The following CSMD3 variants were observed in gnomAD, a reference collection of about 807,000 sequenced individuals.
CSMD3 encodes the protein CUB and Sushi multiple domains 3.
CSMD3 carries 177 observed loss-of-function variants against 435.2 expected under a neutral mutation model. That is an observed-to-expected ratio of 0.41 (90% CI 0.36 to 0.46). The LOEUF is 0.46. Ranked by LOEUF, CSMD3 falls within the 20% of genes least tolerant of loss-of-function variation. The pLI is 0.34. For missense variants in CSMD3, 4,265 were observed against 4,504.6 expected (o/e 0.95, Z 1.52); for synonymous variants, 1,656 against 1,520.5 (o/e 1.09, Z -2.07).
At chr8:113,381,895 T>G (rs2133107778) in intron 1 of CSMD3, among the ~76,000 whole-genome samples, 1 of 152,284 alleles carries the variant, frequency 6.6e-6, no homozygotes, top group African/African-American at 2.4e-5. Context: ...AATAGATAAC[T>G]TTGGAATTCT....
At chr8:113,221,436 T>C (rs903270709) in intron 3 of CSMD3, among the ~76,000 whole-genome samples, 35 of 150,562 alleles carry the variant, frequency 2.3e-4, no homozygotes, top group Admixed American at 2.7e-4. Flanking sequence ...ATGTAGATAA[T>C]AGGTCAATCT....
intron 59 of CSMD3, among the ~76,000 whole-genome samples, chr8:112,269,331 C>G (rs909997951): frequency 2.0e-5 from 3 of 152,138 alleles, no homozygotes; most frequent in African/African-American, 7.2e-5. Flanking sequence ...GAAAAGGAAG[C>G]CTTAGATTCA....
chr8:113,396,188 A>G (rs1217917891), intron 1 of CSMD3, among the ~76,000 whole-genome samples: 1 of 152,198 alleles, frequency 6.6e-6, no homozygotes, highest in African/African-American at 2.4e-5. Context: ...GTAGCAAAAT[A>G]TGATTCCCAT....
intron 7 of CSMD3, among the ~76,000 whole-genome samples, chr8:112,974,868 G>T (rs1373629921): frequency 1.3e-5 from 2 of 151,510 alleles, no homozygotes; most frequent in African/African-American, 2.4e-5. Flanking sequence ...TTAAATCATG[G>T]TCTGTATAAA....
chr8:113,424,350 A>T (rs1184846885), intron 1 of CSMD3, among the ~76,000 whole-genome samples: 2 of 151,772 alleles, frequency 1.3e-5, no homozygotes, highest in Non-Finnish European at 3.0e-5. Context: ...TAATGTACTT[A>T]TTGAAAAACT....
chr8:112,920,785 G>T (rs2082710057), intron 10 of CSMD3, among the ~76,000 whole-genome samples: 1 of 151,656 alleles, frequency 6.6e-6, no homozygotes, highest in African/African-American at 2.4e-5. Flanking sequence ...CCAGTTGGTT[G>T]TGTTAGTGCC....
rs2132670883 is a variant in CSMD3 at position 113,314,707 on chromosome 8, C to G, written c.265G>C (p.Ala89Pro). The G allele has an allele frequency of 2.5e-6, 4 of 1,612,678 alleles. No individual in the cohort carries two copies. The highest frequency in any genetic ancestry group is 1.3e-5 in the African/African-American group (1 of 75,004). ...PGFPYGYPNG[A>P]NCTWVIIAEE... ...GCTATTATTACCCATGTGCAGTTTG[C>G]ACCATTTGGATATCCATATGGAAAA... Residue 89 changes from alanine to proline, a missense_variant, in exon 2 of 71, where the codon GCA becomes CCA. By Grantham distance (27) the Ala-to-Pro change is conservative. Coordinates refer to ENST00000297405, the MANE Select transcript of CSMD3 (RefSeq NM_198123.2).
intron 30 of CSMD3, among the ~76,000 whole-genome samples, chr8:112,497,627 A>G (rs1362534959): frequency 2.6e-5 from 4 of 151,948 alleles, no homozygotes; most frequent in Admixed American, 1.3e-4. Context: ...GTTACAAAAG[A>G]CAAAGAAAAA....
At chr8:113,252,274 G>T (rs1025429854) in intron 3 of CSMD3, among the ~76,000 whole-genome samples, 2 of 151,906 alleles carry the variant, frequency 1.3e-5, no homozygotes, top group Non-Finnish European at 2.9e-5. Context: ...TGGAACATTG[G>T]TTTTCACAGC....
intron 45 of CSMD3, among the ~76,000 whole-genome samples, chr8:112,329,972 T>C (rs1397615080): frequency 6.6e-6 from 1 of 152,028 alleles, no homozygotes; most frequent in Admixed American, 6.6e-5. Flanking sequence ...TTACACGATG[T>C]CCATACCCCC....
intron 58 of CSMD3, among the ~76,000 whole-genome samples, chr8:112,283,903 T>C (rs908805584): frequency 6.6e-6 from 1 of 151,894 alleles, no homozygotes; most frequent in Non-Finnish European, 1.5e-5. Context: ...ACCTGAAATA[T>C]TATCAACACA....
At chr8:112,357,875 C>A (rs895350213) in intron 38 of CSMD3, among the ~76,000 whole-genome samples, 2 of 152,154 alleles carry the variant, frequency 1.3e-5, no homozygotes, top group South Asian at 4.1e-4. Context: ...GGGGTTAGAG[C>A]CCCTACACAG....
At chr8:113,348,737 G>T (rs558432114) in intron 1 of CSMD3, among the ~76,000 whole-genome samples, 18 of 151,896 alleles carry the variant, frequency 1.2e-4, no homozygotes, top group South Asian at 2.1e-4. Flanking sequence ...TTGTTTTGGG[G>T]TTTTTTTATT....
chr8:113,019,625 G>C (rs1273988944), intron 5 of CSMD3, among the ~76,000 whole-genome samples: 1 of 150,738 alleles, frequency 6.6e-6, no homozygotes, highest in Non-Finnish European at 1.5e-5. Flanking sequence ...GATGGTGCTA[G>C]TCAACGTGCT....
rs181619102 is a variant in CSMD3 at position 113,196,014 on chromosome 8, G to A, written c.515-22098C>T. 1.7e-3 allele frequency among the ~76,000 whole-genome samples: 251 copies of A among 150,618 alleles called. 1 individual carries two copies. The highest frequency in any genetic ancestry group is 5.8e-3 in the African/African-American group (240 of 41,276). ...GTGTCATCCTTGCCAAATGCCTTCA[G>A]TTAATTTATTAGGAAATGTCATTCT... On this transcript the variant is annotated intron_variant, in intron 3 of 70. Transcript: ENST00000297405.
chr8:112,313,340 C>T (rs1221225656), intron 49 of CSMD3, among the ~76,000 whole-genome samples: 1 of 152,114 alleles, frequency 6.6e-6, no homozygotes, highest in Non-Finnish European at 1.5e-5. Flanking sequence ...GTGTTACTCT[C>T]TCTTTCGACA....
intron 9 of CSMD3, among the ~76,000 whole-genome samples, chr8:112,931,399 G>C (rs1444730115): frequency 6.6e-6 from 1 of 151,340 alleles, no homozygotes; most frequent in Non-Finnish European, 1.5e-5. Flanking sequence ...CCATTACAGA[G>C]GAATGAAACT....
chr8:113,248,429 C>A, intron 3 of CSMD3, among the ~76,000 whole-genome samples: 1 of 124,760 alleles, frequency 8.0e-6, no homozygotes. Flanking sequence ...ATATAATATA[C>A]ATTTGGAGGA....
intron 50 of CSMD3, among the ~76,000 whole-genome samples, chr8:112,307,678 C>T (rs1044468077): frequency 6.6e-6 from 1 of 152,076 alleles, no homozygotes; most frequent in African/African-American, 2.4e-5. Context: ...ATTCCAGAAC[C>T]AACTGGAGTT....
Sources: allele counts gnomAD v4.1 joint callset (sites outside exome capture counted in the v4.1 genomes callset), GRCh38; gene constraint gnomAD v4.1.1; transcripts MANE v1.5; gene names NCBI Gene and HGNC (gene_info 2026-07-23, HGNC 2026-07-21).